Variants in DSCAM observed in about 807,000 individuals in gnomAD.
DSCAM encodes the protein cell adhesion molecule DSCAM.
Under a neutral mutation model 217.7 loss-of-function variants are expected in DSCAM, and 47 were observed. The ratio of observed to expected loss-of-function variants is 0.22; its 90% confidence interval spans 0.17 to 0.28. The LOEUF (loss-of-function observed/expected upper bound fraction) is 0.28, where lower values mean the gene tolerates loss of function less well. Among genes scored for constraint, DSCAM ranks in the 10% least tolerant of loss-of-function variants. DSCAM has a pLI of 1.00. For missense variants in DSCAM, 2,080 were observed against 2,618.3 expected, an observed-to-expected ratio of 0.79 and a Z score of 4.49; for synonymous variants, 1,056 against 1,015.3, an observed-to-expected ratio of 1.04 and a Z score of -0.76.
chr21:40,023,905 G>C (rs1397621858), intron 32 of DSCAM, among the ~76,000 whole-genome samples: 8 of 24,630 alleles, frequency 3.2e-4, no homozygotes, highest in African/African-American at 1.0e-3. Context: ...GGCTTTTGTT[G>C]CCTTTGCTTT....
chr21:40,276,027 AT>A, intron 11 of DSCAM, 69 bp downstream of exon 11: 1 of 1,441,452 alleles, frequency 6.9e-7, no homozygotes, highest in East Asian at 2.4e-5. Context: ...TATGGAGACA[AT>A]TGAAAAAGGA....
At chr21:40,693,044 C>T in intron 2 of DSCAM, 88 bp from the exon 3 acceptor site, 3 of 1,393,502 alleles carry the variant, frequency 2.2e-6, no homozygotes, top group Non-Finnish European at 1.9e-6. Flanking sequence ...CACTGCAGCA[C>T]ACACACATCA....
intron 3 of DSCAM, among the ~76,000 whole-genome samples, chr21:40,581,172 G>A (rs1328754041): frequency 1.3e-5 from 2 of 152,186 alleles, no homozygotes; most frequent in African/African-American, 4.8e-5. Context: ...TTTAAACGAA[G>A]AAGCATATGT....
chr21:40,186,514 A>AAGGC (rs1012238175), intron 14 of DSCAM, among the ~76,000 whole-genome samples: 27 of 152,142 alleles, frequency 1.8e-4, no homozygotes, highest in African/African-American at 6.5e-4. Flanking sequence ...TTGTTCCTTG[A>AAGGC]AGGCAATGAA....
At chr21:40,154,598 T>A (rs58307773) in intron 16 of DSCAM, among the ~76,000 whole-genome samples, 2,001 of 152,296 alleles carry the variant, frequency 0.013, 44 homozygotes, top group African/African-American at 0.045. Flanking sequence ...AGAGTTGCAC[T>A]GTATTAAATA....
chr21:40,068,991 AG>A (rs944621305), intron 27 of DSCAM, among the ~76,000 whole-genome samples: 1 of 151,992 alleles, frequency 6.6e-6, no homozygotes, highest in Non-Finnish European at 1.5e-5. Flanking sequence ...AGGCTGAGGC[AG>A]GAGAGTCGCT....
At chr21:40,744,926 A>G (rs1442311609) in intron 1 of DSCAM, among the ~76,000 whole-genome samples, 1 of 152,220 alleles carries the variant, frequency 6.6e-6, no homozygotes, top group Admixed American at 6.5e-5. Context: ...GAAATTTTGA[A>G]AGAATTTGAG....
chr21:40,014,304 C>A (rs545065182), intron 32 of DSCAM, among the ~76,000 whole-genome samples: 1 of 152,302 alleles, frequency 6.6e-6, no homozygotes, highest in South Asian at 2.1e-4. Flanking sequence ...GCAGGAGAAT[C>A]GCTTGAACCC....
At chr21:40,044,679 T>A (rs1463050621) in intron 30 of DSCAM, among the ~76,000 whole-genome samples, 1 of 152,176 alleles carries the variant, frequency 6.6e-6, no homozygotes, top group Non-Finnish European at 1.5e-5. Flanking sequence ...CCAATTACTG[T>A]GCTAGAGAAT....
At chr21:40,057,569 A>T (rs957401004) in intron 28 of DSCAM, among the ~76,000 whole-genome samples, 1 of 152,216 alleles carries the variant, frequency 6.6e-6, no homozygotes, top group African/African-American at 2.4e-5. Flanking sequence ...TCTATTAAAT[A>T]GCGATGAACA....
chr21:40,243,917 G>A (rs1371874528), intron 11 of DSCAM, among the ~76,000 whole-genome samples: 2 of 152,138 alleles, frequency 1.3e-5, no homozygotes, highest in African/African-American at 4.8e-5. Flanking sequence ...CGGTGACGGG[G>A]TCATTTCCCA....
chr21:40,692,544 C>G (rs551614464), intron 3 of DSCAM, among the ~76,000 whole-genome samples: 25 of 152,270 alleles, frequency 1.6e-4, no homozygotes, highest in African/African-American at 5.5e-4. Context: ...CCACAATTTT[C>G]TCAAAAAAGT....
intron 3 of DSCAM, among the ~76,000 whole-genome samples, chr21:40,629,076 GGTGTGTGTGTGTGTGT>G (rs57351838): frequency 0.052 from 7,540 of 144,174 alleles, 250 homozygotes; most frequent in Middle Eastern, 0.11. Context: ...GTGTGTGTGT[GGTGTGTGTGTGTGTGT>G]GTGTGTGTGT....
chr21:40,604,485 T>C (rs1217242888), intron 3 of DSCAM, among the ~76,000 whole-genome samples: 1 of 152,152 alleles, frequency 6.6e-6, no homozygotes, highest in Non-Finnish European at 1.5e-5. Flanking sequence ...TTTCATTTCT[T>C]GTCATTATTT....
chr21:40,747,289 T>TAA (rs72559370), intron 1 of DSCAM, among the ~76,000 whole-genome samples: 11,654 of 147,008 alleles, frequency 0.079, 513 homozygotes, highest in Non-Finnish European at 0.096. Flanking sequence ...TTTGTTTAAA[T>TAA]AAAAAAAAAA....
chr21:40,275,383 AC>A (rs1426306417), intron 11 of DSCAM, among the ~76,000 whole-genome samples: 1 of 152,128 alleles, frequency 6.6e-6, no homozygotes, highest in Non-Finnish European at 1.5e-5. Context: ...AGAAGAAATC[AC>A]AGTTCATTCG....
intron 10 of DSCAM, 131 bp downstream of exon 10, chr21:40,295,924 A>G: frequency 8.7e-7 from 1 of 1,147,406 alleles, no homozygotes; most frequent in Non-Finnish European, 1.2e-6. Flanking sequence ...TGAGAGAATG[A>G]TAGGCTTGGT....
chr21:40,757,809 T>G (rs185705190), intron 1 of DSCAM, among the ~76,000 whole-genome samples: 273 of 152,320 alleles, frequency 1.8e-3, no homozygotes, highest in African/African-American at 6.2e-3. Context: ...AAGTCTCGAT[T>G]GAATCCTCCC....
chr21:40,819,576 GC>G (rs1274722104), intron 1 of DSCAM, among the ~76,000 whole-genome samples: 1 of 152,098 alleles, frequency 6.6e-6, no homozygotes, highest in Non-Finnish European at 1.5e-5. Context: ...TGTAAAAAAG[GC>G]CCATCTCAGT....
Sources: gnomAD v4.1 joint callset for allele counts (sites outside exome capture counted in the v4.1 genomes callset) on GRCh38, gnomAD v4.1.1 for gene constraint, MANE v1.5 for transcripts, NCBI Gene and HGNC (gene_info 2026-07-23, HGNC 2026-07-21) for gene names.